Variants in EPHB2 observed in about 807,000 individuals in gnomAD.
EPHB2 encodes the protein ephrin type-B receptor 2.
In EPHB2, 18 loss-of-function variants were observed where a neutral mutation model predicts 96.4. The observed-to-expected ratio is 0.19, with a 90% CI of 0.13 to 0.28. The LOEUF (loss-of-function observed/expected upper bound fraction) is 0.28. EPHB2 is among the 10% of genes least tolerant of loss of function. The probability of loss-of-function intolerance (pLI) is 1.00; values close to 1 mark genes in which losing one functional copy is unlikely to be tolerated. For missense variants in EPHB2, 989 were observed against 1,355.4 expected, an observed-to-expected ratio of 0.73 and a Z score of 4.25; for synonymous variants, 506 against 534.1, an observed-to-expected ratio of 0.95 and a Z score of 0.72.
chr1:22,885,610 A>G (rs890944915), intron 6 of EPHB2, among the ~76,000 whole-genome samples: 1 of 152,254 alleles, frequency 6.6e-6, no homozygotes, highest in African/African-American at 2.4e-5. Flanking sequence ...GAGAAGTTCC[A>G]TAACTTGCCC....
intron 9 of EPHB2, among the ~76,000 whole-genome samples, chr1:22,897,498 G>A (rs1231552206): frequency 6.6e-6 from 1 of 152,086 alleles, no homozygotes; most frequent in East Asian, 1.9e-4. Flanking sequence ...CCCAGCACCT[G>A]GTCATAAGGC....
rs1640240301 is a variant in EPHB2, at chr1:22,915,427, C to T, written c.*1857C>T. On this transcript the variant is annotated 3_prime_UTR_variant, in exon 16 of 16. Coordinates refer to ENST00000374630, the MANE Select transcript of EPHB2 (RefSeq NM_017449.5). Reference sequence around the variant, plus strand: ...TGCTCTTCTAAGCAGCCCTTCCTCCCTCAGGCTTCCAGAAAGCCCAGGGCA... The same window carrying T: ...TGCTCTTCTAAGCAGCCCTTCCTCCTTCAGGCTTCCAGAAAGCCCAGGGCA... 1 of 152,244 alleles carries T rather than the reference C, an allele frequency of 6.6e-6. No individual in the cohort carries two copies. Among genetic ancestry groups the T allele is most frequent in the Non-Finnish European group, 1.5e-5 (1 of 68,048 alleles). 9.4% of individuals were successfully genotyped at this position (152,244 alleles called of 1,614,324 possible).
At chr1:22,745,624 G>A (rs1339931995) in intron 1 of EPHB2, among the ~76,000 whole-genome samples, 1 of 152,156 alleles carries the variant, frequency 6.6e-6, no homozygotes, top group Non-Finnish European at 1.5e-5. Flanking sequence ...GTTTGGCTTT[G>A]GGCAAGTGAC....
At chr1:22,891,416 T>A (rs575036927) in intron 6 of EPHB2, among the ~76,000 whole-genome samples, 1 of 152,396 alleles carries the variant, frequency 6.6e-6, no homozygotes, top group East Asian at 1.9e-4. Context: ...AGGAGCTTCA[T>A]GATCTTCAAA....
chr1:22,907,860 A>G (rs1639966299), intron 11 of EPHB2, 93 bp from the exon 12 acceptor site: 1 of 1,479,530 alleles, frequency 6.8e-7, no homozygotes, highest in Non-Finnish European at 9.4e-7. Context: ...CCAGGCTGGC[A>G]GGGCCCTGCT....
Position 22,913,537 on chromosome 1 carries a change from G to C in EPHB2, c.2928G>C (p.Ala976=). The C allele has an allele frequency of 6.2e-7, 1 of 1,614,186 alleles. No homozygotes were observed. Residue 976 remains alanine (A), a synonymous_variant, in exon 16 of 16, where the codon GCG becomes GCC. Coordinates refer to ENST00000374630, the MANE Select transcript of EPHB2 (RefSeq NM_017449.5). This position sits in a 1 kb window ranked among gnomAD's most constrained non-coding sequence, Gnocchi z 4.1. ...TGAACAGTATCCAGGTGATGCGGGC[G>C]CAGATGAACCAGATTCAGTCTGTGG... The part of the protein sequence containing the change: ...KILNSIQVMR[A]QMNQIQSVEV
intron 5 of EPHB2, among the ~76,000 whole-genome samples, chr1:22,880,431 C>G (rs1638999984): frequency 6.6e-6 from 1 of 152,214 alleles, no homozygotes; most frequent in Non-Finnish European, 1.5e-5. Context: ...GTCTGCTTGT[C>G]ACAGACCCGC....
At chr1:22,897,992 A>G (rs1239422227) in intron 9 of EPHB2, among the ~76,000 whole-genome samples, 2 of 151,114 alleles carry the variant, frequency 1.3e-5, no homozygotes, top group East Asian at 2.0e-4. Context: ...AGTTCCAGCT[A>G]CTTGGGAGGT....
At position 22,913,465 on chromosome 1, in the gene EPHB2, C is replaced by T. The variant is rs1432504061; in HGVS notation, c.2856C>T (p.Asp952=). Residue 952 remains aspartate, a synonymous_variant, in exon 16 of 16, where the codon GAC becomes GAT. Coordinates refer to ENST00000374630, the MANE Select transcript of EPHB2 (RefSeq NM_017449.5). The surrounding 1 kb of genome is among the most constrained non-coding windows in gnomAD (Gnocchi z 4.1). ...CACACGTGCTTCTCTCCCAAAGGGA[C>T]ATTCTCCGGGTTGGGGTCACTTTGG... The part of the protein sequence containing the change: ...FDVVSQMMME[D]ILRVGVTLAG... 1.2e-6 allele frequency: 2 copies of T among 1,614,200 alleles called. No individual in the cohort carries two copies. Among genetic ancestry groups the T allele is most frequent in the Admixed American group, 1.7e-5 (1 of 60,028 alleles).
chr1:22,846,937 T>C lies in EPHB2; in HGVS notation c.812-16100T>C, dbSNP rs1430415680. On this transcript the variant is annotated intron_variant, in intron 3 of 15. Transcript: ENST00000374630. The surrounding 1 kb of genome is among the most constrained non-coding windows in gnomAD (Gnocchi z 4.3). ...ACCAGGCTGGGAGCCCCTTGAGCTG[T>C]GGATCCCTAAGCCCAGCCCAGGCAC... Among the ~76,000 whole-genome samples, 1 of 152,168 alleles carries C rather than the reference T, an allele frequency of 6.6e-6. No homozygotes were observed. Among genetic ancestry groups the C allele is most frequent in the Non-Finnish European group, 1.5e-5 (1 of 68,016 alleles).
At chr1:22,778,268 T>TC (rs914835593) in intron 1 of EPHB2, among the ~76,000 whole-genome samples, 3 of 151,668 alleles carry the variant, frequency 2.0e-5, no homozygotes, top group Non-Finnish European at 2.9e-5. Context: ...TCAAGTGATC[T>TC]CCCCCCCTCA....
chr1:22,766,177 G>A (rs1253154847), intron 1 of EPHB2, among the ~76,000 whole-genome samples: 4 of 152,144 alleles, frequency 2.6e-5, no homozygotes, highest in Non-Finnish European at 5.9e-5. Flanking sequence ...GCCTCAAATG[G>A]CACTCAGAGT....
chr1:22,728,604 C>T (rs960965714), intron 1 of EPHB2, among the ~76,000 whole-genome samples: 1 of 152,222 alleles, frequency 6.6e-6, no homozygotes, highest in Non-Finnish European at 1.5e-5. Flanking sequence ...CCCCATTCCC[C>T]TTTTCTGGAC....
chr1:22,781,539 G>A (rs1278271347), intron 2 of EPHB2, 54 bp downstream of exon 2: 1 of 1,585,926 alleles, frequency 6.3e-7, no homozygotes, highest in Admixed American at 1.7e-5. Flanking sequence ...CTCAAGCCCT[G>A]CTGCAGGGCC....
chr1:22,889,111 C>T (rs928988018), intron 6 of EPHB2, among the ~76,000 whole-genome samples: 6 of 152,154 alleles, frequency 3.9e-5, no homozygotes, highest in Non-Finnish European at 7.4e-5. Flanking sequence ...GCCATAATCG[C>T]GCCACTGCAC....
chr1:22,805,947 G>A (rs1304234064), intron 3 of EPHB2, among the ~76,000 whole-genome samples: 1 of 152,184 alleles, frequency 6.6e-6, no homozygotes, highest in Non-Finnish European at 1.5e-5. Flanking sequence ...GGACTCTGGA[G>A]GGAGCTGAGA....
intron 11 of EPHB2, among the ~76,000 whole-genome samples, chr1:22,907,263 T>C (rs1398786052): frequency 1.3e-5 from 2 of 152,192 alleles, no homozygotes; most frequent in Non-Finnish European, 2.9e-5. Flanking sequence ...TTAGCCAGCC[T>C]TCTCATTATG....
intron 3 of EPHB2, among the ~76,000 whole-genome samples, chr1:22,841,371 G>A (rs893939463): frequency 7.2e-5 from 11 of 152,116 alleles, no homozygotes; most frequent in African/African-American, 1.9e-4. Context: ...TCTTGCTGTC[G>A]TTTAAGTCCT....
rs552306485 is a variant in EPHB2, at chr1:22,846,463, G to A, written c.812-16574G>A. On this transcript the variant is annotated intron_variant, in intron 3 of 15. Transcript: ENST00000374630. The surrounding 1 kb of genome is among the most constrained non-coding windows in gnomAD (Gnocchi z 4.3). Reference sequence around the variant, plus strand: ...AAAAGAAAGTCCTAGGTCAGGGACCGGGCAGACTTCTTCCTGATTTCTCCA... The same window carrying A: ...AAAAGAAAGTCCTAGGTCAGGGACCAGGCAGACTTCTTCCTGATTTCTCCA... Among the ~76,000 whole-genome samples, 86 of 151,314 alleles carry A rather than the reference G, an allele frequency of 5.7e-4. No homozygotes were observed. Among genetic ancestry groups the A allele is most frequent in the African/African-American group, 2.0e-3 (82 of 41,226 alleles).
Sources: allele counts gnomAD v4.1 joint callset (sites outside exome capture counted in the v4.1 genomes callset), GRCh38; gene constraint gnomAD v4.1.1; non-coding constraint Gnocchi (gnomAD v3.1); transcripts MANE v1.5; gene names NCBI Gene and HGNC (gene_info 2026-07-23, HGNC 2026-07-21).